Variants in PLEKHS1 observed in about 807,000 individuals in gnomAD.
PLEKHS1 encodes the protein pleckstrin homology domain containing S1.
A neutral mutation model predicts 51.0 loss-of-function variants in PLEKHS1; 55 were observed. The observed-to-expected ratio is 1.08, with a 90% CI of 0.87 to 1.35. The LOEUF (loss-of-function observed/expected upper bound fraction) is 1.35, where lower values mean the gene tolerates loss of function less well. Ranked by LOEUF, PLEKHS1 falls within the 40% of genes most tolerant of loss-of-function variation. The pLI is 0.00. For missense variants in PLEKHS1, 398 were observed against 423.0 expected, an observed-to-expected ratio of 0.94 and a Z score of 0.52; for synonymous variants, 153 against 144.8, an observed-to-expected ratio of 1.06 and a Z score of -0.41.
At chr10:113,765,679 A>G (rs1306101439) in intron 2 of PLEKHS1, among the ~76,000 whole-genome samples, 1 of 152,242 alleles carries the variant, frequency 6.6e-6, no homozygotes, top group South Asian at 2.1e-4. Flanking sequence ...TACAATAAAT[A>G]TGTATCATAT....
intron 1 of PLEKHS1, 65 bp from the exon 2 acceptor site, chr10:113,755,194 G>A: frequency 1.3e-6 from 2 of 1,506,364 alleles, no homozygotes; most frequent in Middle Eastern, 1.8e-4. Context: ...CTGACCAGCG[G>A]TGGCTGGTCA....
intron 1 of PLEKHS1, among the ~76,000 whole-genome samples, chr10:113,753,021 G>A (rs558703560): frequency 6.6e-6 from 1 of 152,258 alleles, no homozygotes; most frequent in East Asian, 1.9e-4. Context: ...AATAATGTAT[G>A]CAAATGCATT....
exon 3 of PLEKHS1, chr10:113,766,431 T>C: frequency 4.4e-6 from 7 of 1,585,724 alleles, no homozygotes; most frequent in Non-Finnish European, 6.0e-6. Context: ...TACATTTTCT[T>C]ATGAAAATGA....
At chr10:113,758,759 G>A (rs537245121) in intron 2 of PLEKHS1, among the ~76,000 whole-genome samples, 2 of 152,272 alleles carry the variant, frequency 1.3e-5, no homozygotes, top group South Asian at 4.1e-4. Context: ...AGTCAGTGGA[G>A]CAATCAGAAC....
chr10:113,762,925 T>C (rs1844007468), intron 2 of PLEKHS1, among the ~76,000 whole-genome samples: 1 of 152,094 alleles, frequency 6.6e-6, no homozygotes, highest in Non-Finnish European at 1.5e-5. Flanking sequence ...GAGGCCAGCA[T>C]TACTCTTCTT....
intron 4 of PLEKHS1, 89 bp downstream of exon 4, chr10:113,766,807 T>G (rs1402924087): frequency 6.9e-6 from 7 of 1,010,032 alleles, no homozygotes; most frequent in Non-Finnish European, 1.0e-5. Context: ...ATTTACATAA[T>G]TGACCAAAGG....
intron 2 of PLEKHS1, among the ~76,000 whole-genome samples, chr10:113,764,564 T>C (rs887277753): frequency 3.3e-5 from 5 of 152,244 alleles, no homozygotes; most frequent in African/African-American, 9.6e-5. Context: ...AGTTATGACA[T>C]GCCTTGGTGT....
chr10:113,754,774 G>A (rs999940100), intron 1 of PLEKHS1, among the ~76,000 whole-genome samples: 2 of 152,256 alleles, frequency 1.3e-5, no homozygotes, highest in Non-Finnish European at 2.9e-5. Context: ...ATGAGCCACC[G>A]TGCCTGGCGG....
chr10:113,752,001 G>A (rs1420914630), intron 1 of PLEKHS1, among the ~76,000 whole-genome samples: 1 of 152,120 alleles, frequency 6.6e-6, no homozygotes, highest in African/African-American at 2.4e-5. Context: ...AATGGGTCAG[G>A]CAGTGACTGT....
chr10:113,764,694 C>T (rs987916014), intron 2 of PLEKHS1: 4 of 152,172 alleles, frequency 2.6e-5, no homozygotes, highest in African/African-American at 9.7e-5. Flanking sequence ...TTCTCCCTCT[C>T]TCACTTCAGG....
At chr10:113,777,646 T>C (rs1373180987) in intron 11 of PLEKHS1, 1 of 1,532,030 alleles carries the variant, frequency 6.5e-7, no homozygotes, top group Non-Finnish European at 8.8e-7. Flanking sequence ...AATGAGGTAA[T>C]ATGTGTAACG....
rs1844162545 is a variant in PLEKHS1, at chr10:113,766,392, T to C, written c.29-19T>C. On this transcript the variant is annotated intron_variant, in intron 2 of 11. Transcript: ENST00000361048. ...AGAAATTTATGAGGAACAAACTGAG[T>C]TCTGTTCACTTTTATTAGGCAAACA... 1 of 1,428,424 alleles carries C rather than the reference T, an allele frequency of 7.0e-7. No homozygotes were observed. Among genetic ancestry groups the C allele is most frequent in the Non-Finnish European group, 9.8e-7 (1 of 1,024,058 alleles). The allele number at this position is 1,428,424 out of a possible 1,614,324, so 88.5% of individuals were successfully genotyped here.
intron 6 of PLEKHS1, among the ~76,000 whole-genome samples, chr10:113,769,507 T>G (rs1273545954): frequency 6.6e-6 from 1 of 152,088 alleles, no homozygotes; most frequent in African/African-American, 2.4e-5. Context: ...CAAAGGGAAC[T>G]GGGGTGGAGG....
At chr10:113,775,923 AACAATT>A (rs1460292768) in intron 11 of PLEKHS1, 57 bp downstream of exon 11, 1 of 1,303,120 alleles carries the variant, frequency 7.7e-7, no homozygotes, top group African/African-American at 1.5e-5. Flanking sequence ...CTTTGAAGAG[AACAATT>A]ACATCTTGAA....
At chr10:113,780,799 G>A (rs768739293) in exon 12 of PLEKHS1, 6 of 1,538,012 alleles carry the variant, frequency 3.9e-6, no homozygotes, top group South Asian at 3.6e-5. Flanking sequence ...CAGACCCATG[G>A]CAGCAGAACC....
At chr10:113,766,538 C>T (rs764196624) in intron 3 of PLEKHS1, 39 bp downstream of exon 3, 2 of 1,580,234 alleles carry the variant, frequency 1.3e-6, no homozygotes. Flanking sequence ...TCCCACCAGC[C>T]TCATGAGCAT....
intron 2 of PLEKHS1, chr10:113,765,408 T>A: frequency 1.3e-6 from 1 of 779,412 alleles, no homozygotes; most frequent in East Asian, 2.4e-5. Flanking sequence ...GCACTTTTTC[T>A]GAATCTCTGA....
At chr10:113,770,331 G>A (rs909717872) in intron 7 of PLEKHS1, among the ~76,000 whole-genome samples, 11 of 152,028 alleles carry the variant, frequency 7.2e-5, no homozygotes, top group Admixed American at 1.3e-4. Flanking sequence ...GATCAATCTC[G>A]CTTCTCATTC....
intron 1 of PLEKHS1, among the ~76,000 whole-genome samples, 176 bp from the exon 2 acceptor site, chr10:113,755,083 C>A (rs7919854): frequency 1.3e-5 from 2 of 152,142 alleles, no homozygotes; most frequent in African/African-American, 4.8e-5. Flanking sequence ...CTGCAGCTAC[C>A]GTCAGCCTCA....
Sources: allele counts gnomAD v4.1 joint callset (sites outside exome capture counted in the v4.1 genomes callset), GRCh38; gene constraint gnomAD v4.1.1; transcripts MANE v1.5; gene names NCBI Gene and HGNC (gene_info 2026-07-23, HGNC 2026-07-21).